Variants in LEMD3 observed in about 807,000 individuals in gnomAD.
LEMD3 encodes the protein inner nuclear membrane protein Man1.
A neutral mutation model predicts 95.2 loss-of-function variants in LEMD3; 33 were observed. The ratio of observed to expected loss-of-function variants is 0.35; its 90% CI spans 0.26 to 0.46. The LOEUF (loss-of-function observed/expected upper bound fraction) is 0.46. Ranked by LOEUF, LEMD3 falls within the 20% of genes least tolerant of loss-of-function variation. LEMD3 has a pLI of 1.00. For synonymous variants in LEMD3, 525 were observed against 474.6 expected, an observed-to-expected ratio of 1.11 and a Z score of -1.38; for missense variants, 1,210 against 1,192.8, an observed-to-expected ratio of 1.01 and a Z score of -0.21.
At chr12:65,245,559 G>T in intron 10 of LEMD3, 110 bp from the exon 11 acceptor site, 1 of 784,230 alleles carries the variant, frequency 1.3e-6, no homozygotes. Flanking sequence ...AATCGTATGT[G>T]GTTTTAAAAC....
chr12:65,196,029 G>A lies in LEMD3; in HGVS notation c.1523-14897G>A, dbSNP rs535923428. ...CTTTGGGACAGAGAAAATTTTGCTT[G>A]ATCTGAGCTCAAGATTTTGACCAAG... is the stretch of plus-strand genomic sequence containing the variant. On this transcript the variant is annotated intron_variant, in intron 1 of 12. Coordinates refer to ENST00000308330, the MANE Select transcript of LEMD3 (RefSeq NM_014319.5). Among the ~76,000 whole-genome samples, 7 of 152,148 alleles carry A rather than the reference G, an allele frequency of 4.6e-5. No individual in the cohort carries two copies. In the East Asian group the frequency reaches 1.4e-3, roughly 29 times the overall value.
intron 2 of LEMD3, among the ~76,000 whole-genome samples, chr12:65,215,292 C>G (rs538638460): frequency 6.6e-6 from 1 of 152,060 alleles, no homozygotes; most frequent in Non-Finnish European, 1.5e-5. Context: ...AAATTCTGTT[C>G]CCTCCTTCCC....
chr12:65,180,806 C>T (rs1868877739), intron 1 of LEMD3, among the ~76,000 whole-genome samples: 1 of 152,144 alleles, frequency 6.6e-6, no homozygotes, highest in African/African-American at 2.4e-5. Context: ...GGTTGTAAAA[C>T]TATGCAAGAG....
In LEMD3 at chr12:65,169,997, A is replaced by G; in HGVS notation, c.401A>G (p.Lys134Arg). 1 of 1,483,796 alleles carries G rather than the reference A, an allele frequency of 6.7e-7. No individual in the cohort carries two copies. The highest frequency in any genetic ancestry group is 8.9e-7 in the Non-Finnish European group (1 of 1,128,992). 91.9% of individuals were successfully genotyped at this position (1,483,796 alleles called of 1,614,324 possible). ...GASAAPAAGS[K>R]VLLGFSSDES... ...TCCGCCGCCCCCGCGGCTGGCAGCA[A>G]AGTGCTGCTGGGCTTCAGCTCGGAC... Residue 134 changes from lysine (K) to arginine (R), a missense_variant, in exon 1 of 13, where the codon AAA becomes AGA. Lys to Arg is a conservative substitution (Grantham distance 26). Transcript: ENST00000308330.
At chr12:65,187,480 A>C (rs975277530) in intron 1 of LEMD3, among the ~76,000 whole-genome samples, 5 of 152,068 alleles carry the variant, frequency 3.3e-5, no homozygotes, top group African/African-American at 1.2e-4. Context: ...ACCAGATTTG[A>C]GTGCAGATAA....
At chr12:65,172,884 C>T (rs886121752) in intron 1 of LEMD3, among the ~76,000 whole-genome samples, 1 of 152,094 alleles carries the variant, frequency 6.6e-6, no homozygotes, top group African/African-American at 2.4e-5. Context: ...TGCCGCCACA[C>T]CTGGCTAAAT....
At chr12:65,242,551 C>T (rs1254179577) in intron 9 of LEMD3, among the ~76,000 whole-genome samples, 1 of 152,062 alleles carries the variant, frequency 6.6e-6, no homozygotes, top group Admixed American at 6.5e-5. Context: ...TTGATTCTGC[C>T]ATAAACTTAG....
intron 4 of LEMD3, among the ~76,000 whole-genome samples, chr12:65,237,947 T>C (rs1007606094): frequency 5.9e-5 from 9 of 152,180 alleles, no homozygotes; most frequent in African/African-American, 2.2e-4. Context: ...TTCACTCTTA[T>C]GATGGCACTG....
chr12:65,193,170 TGA>T (rs2136325581), intron 1 of LEMD3, among the ~76,000 whole-genome samples: 2 of 152,260 alleles, frequency 1.3e-5, no homozygotes, highest in Non-Finnish European at 2.9e-5. Context: ...AGAATTCGAC[TGA>T]GAGGCATAAG....
chr12:65,218,449 AC>A, intron 3 of LEMD3, 102 bp from the exon 4 acceptor site: 1 of 616,596 alleles, frequency 1.6e-6, no homozygotes, highest in East Asian at 3.2e-5. Context: ...TAATAATATA[AC>A]CTGTAATTGT....
chr12:65,213,771 A>C (rs560955548), intron 2 of LEMD3, among the ~76,000 whole-genome samples: 3 of 152,180 alleles, frequency 2.0e-5, no homozygotes, highest in Non-Finnish European at 2.9e-5. Context: ...GACAGATGCC[A>C]ATGTTCAAAT....
At position 65,238,658 on chromosome 12, in the gene LEMD3, T is replaced by C. The variant is rs778500808; in HGVS notation, c.1776-11T>C. ...TTGACTTTAAATTCTACCTTACTTA[T>C]TTTTAAATAGGTGTGTTGGTTTTGG... On this transcript the variant is annotated splice_polypyrimidine_tract_variant and intron_variant, in intron 5 of 12. Transcript: ENST00000308330. 2.5e-6 allele frequency: 4 copies of C among 1,613,930 alleles called. No homozygotes were observed. The Admixed American group carries it at 5.0e-5, about 20-fold the overall frequency.
chr12:65,190,013 A>G (rs187034266), intron 1 of LEMD3, among the ~76,000 whole-genome samples: 87 of 152,276 alleles, frequency 5.7e-4, no homozygotes, highest in African/African-American at 2.0e-3. Context: ...GTACCACACT[A>G]GTTTTTTCCA....
intron 4 of LEMD3, among the ~76,000 whole-genome samples, chr12:65,224,646 G>A (rs1392018317): frequency 2.0e-5 from 3 of 151,874 alleles, no homozygotes; most frequent in Non-Finnish European, 2.9e-5. Context: ...TTGCGTCTTG[G>A]CTGCTTTCTT....
At chr12:65,172,750 A>C (rs1399063715) in intron 1 of LEMD3, among the ~76,000 whole-genome samples, 4 of 149,112 alleles carry the variant, frequency 2.7e-5, no homozygotes, top group Non-Finnish European at 5.9e-5. Flanking sequence ...TTTTTTAGAC[A>C]GAGTCTAGCT....
intron 1 of LEMD3, among the ~76,000 whole-genome samples, chr12:65,202,712 A>T (rs141759915): frequency 5.3e-5 from 8 of 152,064 alleles, no homozygotes; most frequent in African/African-American, 1.9e-4. Flanking sequence ...GAAGGTTATT[A>T]CTTACTGATT....
At chr12:65,190,193 A>G (rs186063676) in intron 1 of LEMD3, among the ~76,000 whole-genome samples, 2 of 152,286 alleles carry the variant, frequency 1.3e-5, no homozygotes, top group Admixed American at 6.5e-5. Context: ...AACTTATGCA[A>G]GTAACTTACT....
chr12:65,221,393 A>T (rs1183189639), intron 4 of LEMD3, among the ~76,000 whole-genome samples: 1 of 151,692 alleles, frequency 6.6e-6, no homozygotes. Context: ...TTCTAACAAG[A>T]TTCTTTTTAG....
In LEMD3 at chr12:65,169,600, G is replaced by GCGGCGGCAGCAGCTT; in HGVS notation, c.10_24dup (p.Ala4_Ala8dup). ...TGTAAAACACCCTGGAGAGAAAATGGCGGCGGCAGCAGCTTCGGCGCCTCA... is the reference window on the plus strand; with the variant it reads ...TGTAAAACACCCTGGAGAGAAAATGGCGGCGGCAGCAGCTTCGGCGGCAGCAGCTTCGGCGCCTCA... On this transcript the variant is annotated inframe_insertion, in exon 1 of 13. Coordinates refer to ENST00000308330, the MANE Select transcript of LEMD3 (RefSeq NM_014319.5). 1 of 1,587,706 alleles carries GCGGCGGCAGCAGCTT rather than the reference G, an allele frequency of 6.3e-7. No individual in the cohort carries two copies. The highest frequency in any genetic ancestry group is 8.6e-7 in the Non-Finnish European group (1 of 1,169,108).
Sources: allele counts gnomAD v4.1 joint callset (sites outside exome capture counted in the v4.1 genomes callset), GRCh38; gene constraint gnomAD v4.1.1; transcripts MANE v1.5; gene names NCBI Gene and HGNC (gene_info 2026-07-23, HGNC 2026-07-21).